TIRAP: variants seen among roughly 807,000 people sequenced by gnomAD.
TIRAP encodes TIR domain containing adaptor protein.
Under a neutral mutation model 19.8 loss-of-function variants are expected in TIRAP, and 20 were observed. The observed-to-expected ratio is 1.01, with a 90% CI of 0.71 to 1.47. The LOEUF (loss-of-function observed/expected upper bound fraction) is 1.47, where lower values mean the gene tolerates loss of function less well. Among genes scored for constraint, TIRAP ranks in the 40% most tolerant of loss-of-function variants. The pLI is 0.00. For missense variants in TIRAP, 276 were observed against 285.1 expected, an observed-to-expected ratio of 0.97 and a Z score of 0.23; for synonymous variants, 125 against 121.7, an observed-to-expected ratio of 1.03 and a Z score of -0.18.
chr11:126,290,184 A>G lies in TIRAP; in HGVS notation c.-216-278A>G. Among the ~76,000 whole-genome samples the G allele has an allele frequency of 6.6e-6, 1 of 152,192 alleles. No homozygotes were observed. The highest frequency in any genetic ancestry group is 1.9e-4 in the East Asian group (1 of 5,192). ...CTTCCATTTCACGGATGGAGAAACG[A>G]GTTTAGCAAGGTGGCCAAAGGTCAC... is the stretch of plus-strand genomic sequence containing the variant. On this transcript the variant is annotated intron_variant, in intron 1 of 4. Transcript: ENST00000392679. This position sits in a 1 kb window ranked among gnomAD's most constrained non-coding sequence, Gnocchi z 4.9.
Position 126,292,567 on chromosome 11 carries a change from A to G in TIRAP, c.158A>G (p.Gln53Arg), listed in dbSNP as rs1261755791. The change falls in exon 4 of 5, where the codon CAG (glutamine) becomes CGG (arginine). Residue 53 changes from glutamine to arginine, a missense_variant. Coordinates refer to ENST00000392679, the MANE Select transcript of TIRAP (RefSeq NM_001318777.2). ...TSSDASQPTS[Q>R]DSPLPPSLSS... ...AGCGATGCTTCACAGCCTACCTCAC[A>G]GGACAGCCCACTACCCCCAAGCCTC... 2.5e-6 allele frequency: 4 copies of G among 1,614,068 alleles called. No homozygotes were observed. The highest frequency in any genetic ancestry group is 1.7e-5 in the Admixed American group (1 of 60,002).
At chr11:126,284,779 G>A (rs1951298825) in intron 1 of TIRAP, among the ~76,000 whole-genome samples, 1 of 151,756 alleles carries the variant, frequency 6.6e-6, no homozygotes, top group Non-Finnish European at 1.5e-5. Flanking sequence ...GCTTGAACGT[G>A]GGAGGCAGAG....
chr11:126,294,537 C>T lies in TIRAP; in HGVS notation c.*850C>T, dbSNP rs1347086513. On this transcript the variant is annotated 3_prime_UTR_variant, in exon 5 of 5. Transcript: ENST00000392679. ...GGTCTGGCTAAAGCTGATACTTTCA[C>T]AGTCACCATCTTCACCTTTGGACTG... 2.0e-5 allele frequency: 9 copies of T among 456,184 alleles called. No homozygotes were observed. The East Asian group carries it at 5.6e-4, about 28-fold the overall frequency. 28.3% of individuals were successfully genotyped at this position (456,184 alleles called of 1,614,324 possible).
rs1045320046 is a variant in TIRAP, at chr11:126,290,400, C to T, written c.-216-62C>T. The T allele has an allele frequency of 1.0e-6, 1 of 983,748 alleles. No individual in the cohort carries two copies. Among genetic ancestry groups the T allele is most frequent in the Admixed American group, 6.1e-5 (1 of 16,278 alleles). The allele number at this position is 983,748 out of a possible 1,614,324, so 60.9% of individuals were successfully genotyped here. The stretch of plus-strand genomic sequence containing the variant: ...GTGCTCTCTCTCTACTGTTCAGCTT[C>T]TGTCTATCTGGATACATAATTATTT... On this transcript the variant is annotated intron_variant, in intron 1 of 4. Coordinates refer to ENST00000392679, the MANE Select transcript of TIRAP (RefSeq NM_001318777.2). The surrounding 1 kb of genome is among the most constrained non-coding windows in gnomAD (Gnocchi z 4.9).
In TIRAP at chr11:126,293,703, G is replaced by A. The variant is rs1951436958; in HGVS notation, c.*16G>A. The A allele has an allele frequency of 6.2e-7, 1 of 1,613,994 alleles. No homozygotes were observed. The highest frequency in any genetic ancestry group is 8.5e-7 in the Non-Finnish European group (1 of 1,179,978). On this transcript the variant is annotated 3_prime_UTR_variant, in exon 5 of 5. Coordinates refer to ENST00000392679, the MANE Select transcript of TIRAP (RefSeq NM_001318777.2). ...ACTCAGTTGACACTTGTTATATCATGGGACCCCGGAAATTGGAGTGAAGCT... is the reference window on the plus strand; with the variant it reads ...ACTCAGTTGACACTTGTTATATCATAGGACCCCGGAAATTGGAGTGAAGCT...
At position 126,288,552 on chromosome 11, in the gene TIRAP, T is replaced by C. The variant is rs1951346370; in HGVS notation, c.-216-1910T>C. ...TGGTTACTGGAATTTACCTGCCATCTTGCTCAATTATCCTGTCAAAGGTGC... is the reference window on the plus strand; with the variant it reads ...TGGTTACTGGAATTTACCTGCCATCCTGCTCAATTATCCTGTCAAAGGTGC... On this transcript the variant is annotated intron_variant, in intron 1 of 4. Transcript: ENST00000392679. This position sits in a 1 kb window ranked among gnomAD's most constrained non-coding sequence, Gnocchi z 5.0. 6.6e-6 allele frequency: 1 copy of C among 152,238 alleles called. No individual in the cohort carries two copies. Among genetic ancestry groups the C allele is most frequent in the African/African-American group, 2.4e-5 (1 of 41,464 alleles). 9.4% of individuals were successfully genotyped at this position (152,238 alleles called of 1,614,324 possible). A position where few individuals can be genotyped will look rare whatever the true frequency, so the allele number is the denominator to read the frequency against.
chr11:126,285,637 G>T (rs899838411), intron 1 of TIRAP, among the ~76,000 whole-genome samples: 1 of 152,110 alleles, frequency 6.6e-6, no homozygotes, highest in Admixed American at 6.6e-5. Flanking sequence ...TTGATGAACA[G>T]AAGTTCTTCA....
chr11:126,290,338 CA>C lies in TIRAP; in HGVS notation c.-216-123del. 1 of 727,530 alleles carries C rather than the reference CA, an allele frequency of 1.4e-6. No individual in the cohort carries two copies. The highest frequency in any genetic ancestry group is 1.7e-6 in the Non-Finnish European group (1 of 594,680). The allele number at this position is 727,530 out of a possible 1,614,324, so 45.1% of individuals were successfully genotyped here. ...ATGGATGGAGTTATTCAGGGGGAGG[CA>C]GACTTGGAGGAAAAGTCTCCCAAGA... On this transcript the variant is annotated intron_variant, in intron 1 of 4. Coordinates refer to ENST00000392679, the MANE Select transcript of TIRAP (RefSeq NM_001318777.2). This position sits in a 1 kb window ranked among gnomAD's most constrained non-coding sequence, Gnocchi z 4.9.
At position 126,290,004 on chromosome 11, in the gene TIRAP, C is replaced by T. The variant is rs1465444956; in HGVS notation, c.-216-458C>T. On this transcript the variant is annotated intron_variant, in intron 1 of 4. Transcript: ENST00000392679. The surrounding 1 kb of genome is among the most constrained non-coding windows in gnomAD (Gnocchi z 4.9). ...ACGTTAACATTACAAGTTTAATAAA[C>T]CATGAACATAATATACCCCTCCAAT... is the stretch of plus-strand genomic sequence containing the variant. Among the ~76,000 whole-genome samples, 1 of 152,092 alleles carries T rather than the reference C, an allele frequency of 6.6e-6. No individual in the cohort carries two copies. The highest frequency in any genetic ancestry group is 1.5e-5 in the Non-Finnish European group (1 of 67,952).
At chr11:126,283,475 A>G (rs1951280255) in intron 1 of TIRAP, among the ~76,000 whole-genome samples, 1 of 152,210 alleles carries the variant, frequency 6.6e-6, no homozygotes, top group African/African-American at 2.4e-5. Context: ...CGTTGTGGAT[A>G]TCGTTTCTCC....
At position 126,287,903 on chromosome 11, in the gene TIRAP, G is replaced by A. The variant is rs540483174; in HGVS notation, c.-216-2559G>A. Among the ~76,000 whole-genome samples the A allele has an allele frequency of 5.3e-5, 8 of 152,060 alleles. No individual in the cohort carries two copies. The highest frequency in any genetic ancestry group is 1.9e-4 in the East Asian group (1 of 5,180). Reference sequence around the variant, plus strand: ...CAAGTAGCTAGGATTACAGGTGTGCGACACCATGCCTGGCTAATTTTTGTA... The same window carrying A: ...CAAGTAGCTAGGATTACAGGTGTGCAACACCATGCCTGGCTAATTTTTGTA... On this transcript the variant is annotated intron_variant, in intron 1 of 4. Transcript: ENST00000392679. The surrounding 1 kb of genome is among the most constrained non-coding windows in gnomAD (Gnocchi z 4.2).
At position 126,292,581 on chromosome 11, in the gene TIRAP, C is replaced by G; in HGVS notation, c.172C>G (p.Pro58Ala). ...GCCTACCTCACAGGACAGCCCACTA[C>G]CCCCAAGCCTCAGCTCAGTCACGTC... ...SQPTSQDSPL[P>A]PSLSSVTSPS... is the part of the protein sequence containing the mutation. Residue 58 changes from proline (P) to alanine (A), a missense_variant, in exon 4 of 5, where the codon CCC becomes GCC. Pro to Ala is a conservative substitution (Grantham distance 27). Transcript: ENST00000392679. The G allele has an allele frequency of 6.2e-7, 1 of 1,614,186 alleles. No homozygotes were observed. The highest frequency in any genetic ancestry group is 1.7e-5 in the Admixed American group (1 of 60,028).
Position 126,294,295 on chromosome 11 carries a change from C to A in TIRAP, c.*608C>A. The A allele has an allele frequency of 6.5e-6, 2 of 307,040 alleles. No individual in the cohort carries two copies. The highest frequency in any genetic ancestry group is 1.3e-5 in the Non-Finnish European group (2 of 155,224). The allele number at this position is 307,040 out of a possible 1,614,324, so 19.0% of individuals were successfully genotyped here. ...AGAGACATCGATTCACTTCAAAGAG[C>A]TGTAGGGAAGATGCAGTCAGCACTG... On this transcript the variant is annotated 3_prime_UTR_variant, in exon 5 of 5. Coordinates refer to ENST00000392679, the MANE Select transcript of TIRAP (RefSeq NM_001318777.2).
Position 126,292,584 on chromosome 11 carries a change from C to G in TIRAP, c.175C>G (p.Pro59Ala), listed in dbSNP as rs1317071415. 1 of 1,614,206 alleles carries G rather than the reference C, an allele frequency of 6.2e-7. No homozygotes were observed. The highest frequency in any genetic ancestry group is 1.1e-5 in the South Asian group (1 of 91,088). The change falls in exon 4 of 5, where the codon CCA becomes GCA. Residue 59 changes from proline (P) to alanine (A), a missense_variant. Coordinates refer to ENST00000392679, the MANE Select transcript of TIRAP (RefSeq NM_001318777.2). ...QPTSQDSPLP[P>A]SLSSVTSPSL... ...TACCTCACAGGACAGCCCACTACCC[C>G]CAAGCCTCAGCTCAGTCACGTCTCC...
chr11:126,283,172 C>T lies in TIRAP; in HGVS notation c.-217+19C>T. 1.0e-6 allele frequency: 1 copy of T among 981,864 alleles called. No homozygotes were observed. Among genetic ancestry groups the T allele is most frequent in the Non-Finnish European group, 1.2e-6 (1 of 827,040 alleles). 60.8% of individuals were successfully genotyped at this position (981,864 alleles called of 1,614,324 possible). On this transcript the variant is annotated intron_variant, in intron 1 of 4. Coordinates refer to ENST00000392679, the MANE Select transcript of TIRAP (RefSeq NM_001318777.2). ...CGCGCAGGTGAGCCCGGGGCGGGGT[C>T]GCGGGGGACCGGGAGGCGCGGCGGG...
At chr11:126,289,621 A>C (rs1350587358) in intron 1 of TIRAP, 1 of 981,666 alleles carries the variant, frequency 1.0e-6, no homozygotes, top group East Asian at 1.1e-4. Flanking sequence ...TGTGTCTAAT[A>C]ATACTTGCTT....
rs1951362051 is a variant in TIRAP, at chr11:126,290,017, A to G, written c.-216-445A>G. The stretch of plus-strand genomic sequence containing the variant: ...AAGTTTAATAAACCATGAACATAAT[A>G]TACCCCTCCAATATCTAGATTATTT... On this transcript the variant is annotated intron_variant, in intron 1 of 4. Transcript: ENST00000392679. The surrounding 1 kb of genome is among the most constrained non-coding windows in gnomAD (Gnocchi z 4.9). 6.6e-6 allele frequency among the ~76,000 whole-genome samples: 1 copy of G among 152,238 alleles called. No individual in the cohort carries two copies. The highest frequency in any genetic ancestry group is 2.4e-5 in the African/African-American group (1 of 41,472).
In TIRAP at chr11:126,294,754, T is replaced by TA; in HGVS notation, c.*1068dup. ...CTCTTTTGCTGAAAAAAATTTTTATTATTTTTTCTATCTCTAGTTCTAGAA... is the reference window on the plus strand; with the variant it reads ...CTCTTTTGCTGAAAAAAATTTTTATTAATTTTTTCTATCTCTAGTTCTAGAA... On this transcript the variant is annotated 3_prime_UTR_variant, in exon 5 of 5. Coordinates refer to ENST00000392679, the MANE Select transcript of TIRAP (RefSeq NM_001318777.2). 3.3e-6 allele frequency: 1 copy of TA among 303,364 alleles called. No homozygotes were observed. The highest frequency in any genetic ancestry group is 2.8e-5 in the South Asian group (1 of 36,140). The allele number at this position is 303,364 out of a possible 1,614,324, so 18.8% of individuals were successfully genotyped here. A position where few individuals can be genotyped will look rare whatever the true frequency, so the allele number is the denominator to read the frequency against.
chr11:126,290,710 T>C lies in TIRAP; in HGVS notation c.-92-93T>C. 1 of 1,378,794 alleles carries C rather than the reference T, an allele frequency of 7.3e-7. No individual in the cohort carries two copies. Among genetic ancestry groups the C allele is most frequent in the Non-Finnish European group, 9.4e-7 (1 of 1,069,508 alleles). 85.4% of individuals were successfully genotyped at this position (1,378,794 alleles called of 1,614,324 possible). ...TAGAGAAGAAGCCTCTGTCAGGCAT[T>C]AGGAGAGAAACAGAACTTCGCAGAG... On this transcript the variant is annotated intron_variant, in intron 2 of 4. Transcript: ENST00000392679. This position sits in a 1 kb window ranked among gnomAD's most constrained non-coding sequence, Gnocchi z 4.9.
Sources: gnomAD v4.1 joint callset for allele counts (sites outside exome capture counted in the v4.1 genomes callset) on GRCh38, gnomAD v4.1.1 for gene constraint, Gnocchi (gnomAD v3.1) non-coding constraint, MANE v1.5 for transcripts, NCBI Gene and HGNC (gene_info 2026-07-23, HGNC 2026-07-21) for gene names.